WASHC2C: variants seen among roughly 807,000 people sequenced by gnomAD.
WASHC2C encodes WASH complex subunit 2C, also known as Vaccinia Penetration Factor.
WASHC2C carries 73 observed loss-of-function variants against 142.2 expected under a neutral mutation model. The ratio of observed to expected loss-of-function variants is 0.51; its 90% CI spans 0.43 to 0.62. WASHC2C has a LOEUF of 0.62. WASHC2C is among the 20% of genes least tolerant of loss of function. The pLI is 0.00. For missense variants in WASHC2C, 969 were observed against 1,531.7 expected, an observed-to-expected ratio of 0.63 and a Z score of 6.13; for synonymous variants, 337 against 565.5, an observed-to-expected ratio of 0.60 and a Z score of 5.73.
intron 30 of WASHC2C, among the ~76,000 whole-genome samples, chr10:45,791,314 A>G (rs1436375164): frequency 1.3e-3 from 202 of 152,100 alleles, no homozygotes; most frequent in African/African-American, 3.8e-3. Context: ...AAATACAAAA[A>G]AAGTAATACA....
chr10:45,768,780 T>A (rs1252674090), intron 19 of WASHC2C, among the ~76,000 whole-genome samples: 1 of 152,042 alleles, frequency 6.6e-6, no homozygotes, highest in Non-Finnish European at 1.5e-5. Flanking sequence ...TTCTCTGGAG[T>A]TGGAAGTTCT....
At chr10:45,771,980 C>T (rs1312079823) in intron 20 of WASHC2C, among the ~76,000 whole-genome samples, 131 of 152,182 alleles carry the variant, frequency 8.6e-4, no homozygotes, top group African/African-American at 2.9e-3. Context: ...TCATAACAGC[C>T]GAAAGTGTAA....
intron 17 of WASHC2C, among the ~76,000 whole-genome samples, chr10:45,760,058 G>A (rs1373264486): frequency 6.0e-5 from 9 of 148,860 alleles, no homozygotes; most frequent in South Asian, 2.2e-4. Context: ...TAACTAGACC[G>A]TGGCTTAATG....
At chr10:45,751,935 C>T (rs544183538) in intron 11 of WASHC2C, among the ~76,000 whole-genome samples, 1 of 152,292 alleles carries the variant, frequency 6.6e-6, no homozygotes, top group Non-Finnish European at 1.5e-5. Flanking sequence ...CTTGATCGCG[C>T]CACTGCATTC....
chr10:45,736,324 T>A (rs539130130), intron 3 of WASHC2C, among the ~76,000 whole-genome samples: 8 of 132,876 alleles, frequency 6.0e-5, no homozygotes, highest in Non-Finnish European at 1.2e-4. Context: ...GAGAATGGCG[T>A]GAACCCAGGA....
intron 20 of WASHC2C, among the ~76,000 whole-genome samples, chr10:45,772,188 A>T (rs373573511): frequency 9.7e-4 from 147 of 152,170 alleles, no homozygotes; most frequent in African/African-American, 3.3e-3. Context: ...TGAAATGTAT[A>T]GATAAACCAC....
intron 4 of WASHC2C, among the ~76,000 whole-genome samples, chr10:45,739,287 G>GT (rs201280534): frequency 0.013 from 1,675 of 128,804 alleles, 15 homozygotes; most frequent in Admixed American, 0.037. Context: ...TGCTCGTAGG[G>GT]TTTTTTTTTT....
intron 8 of WASHC2C, 125 bp downstream of exon 8, chr10:45,746,772 C>T: frequency 2.2e-6 from 3 of 1,369,684 alleles, no homozygotes; most frequent in Non-Finnish European, 1.0e-6. Flanking sequence ...AATTTATTTT[C>T]CTTTAAGCAT....
intron 23 of WASHC2C, among the ~76,000 whole-genome samples, chr10:45,784,048 T>C (rs1554888741): frequency 6.6e-6 from 1 of 151,964 alleles, no homozygotes; most frequent in African/African-American, 2.4e-5. Flanking sequence ...TTGAGTCAGC[T>C]GCTGTCTCTT....
At chr10:45,773,604 C>G (rs1564799315) in intron 21 of WASHC2C, among the ~76,000 whole-genome samples, 1 of 152,290 alleles carries the variant, frequency 6.6e-6, no homozygotes, top group Non-Finnish European at 1.5e-5. Flanking sequence ...GCTTGGGCCC[C>G]ATTGGCATGG....
intron 5 of WASHC2C, among the ~76,000 whole-genome samples, 179 bp from the exon 6 acceptor site, chr10:45,743,211 A>T (rs1486728844): frequency 4.6e-5 from 7 of 152,116 alleles, no homozygotes; most frequent in Non-Finnish European, 7.4e-5. Flanking sequence ...TTTGACTTTT[A>T]AAAAAATCAG....
intron 4 of WASHC2C, among the ~76,000 whole-genome samples, chr10:45,739,788 A>G (rs1469038483): frequency 3.9e-5 from 6 of 152,142 alleles, no homozygotes; most frequent in Non-Finnish European, 8.8e-5. Flanking sequence ...TTGTTGGGAT[A>G]CTTCTCCACA....
intron 23 of WASHC2C, among the ~76,000 whole-genome samples, chr10:45,783,912 G>T (rs1296762307): frequency 3.3e-5 from 5 of 152,136 alleles, no homozygotes; most frequent in Non-Finnish European, 7.4e-5. Flanking sequence ...CTCACTCGGG[G>T]TCTGAAAGTA....
chr10:45,744,115 A>G (rs1260832287), intron 6 of WASHC2C, among the ~76,000 whole-genome samples: 1 of 144,070 alleles, frequency 6.9e-6, no homozygotes, highest in Non-Finnish European at 1.5e-5. Context: ...CTGGAATGCA[A>G]TGGTGCGATC....
At chr10:45,784,293 C>CATAT (rs1286811903) in intron 23 of WASHC2C, among the ~76,000 whole-genome samples, 4,719 of 63,126 alleles carry the variant, frequency 0.075, 347 homozygotes, top group African/African-American at 0.14. Context: ...TATATATACA[C>CATAT]ATATATATAT....
At chr10:45,736,561 C>T (rs1244714941) in intron 3 of WASHC2C, among the ~76,000 whole-genome samples, 1 of 151,850 alleles carries the variant, frequency 6.6e-6, no homozygotes, top group African/African-American at 2.4e-5. Context: ...GATCCTGCCA[C>T]TGCACTCCAG....
intron 15 of WASHC2C, among the ~76,000 whole-genome samples, chr10:45,755,513 A>G (rs2134800041): frequency 6.6e-6 from 1 of 152,420 alleles, no homozygotes; most frequent in Non-Finnish European, 1.5e-5. Context: ...TTCTCTGCCA[A>G]AAAGCTCAGG....
At chr10:45,743,290 G>A in intron 5 of WASHC2C, 100 bp from the exon 6 acceptor site, 1 of 1,562,106 alleles carries the variant, frequency 6.4e-7, no homozygotes, top group South Asian at 1.1e-5. Context: ...TCGTTATGTA[G>A]CTTGTTTGGG....
intron 3 of WASHC2C, among the ~76,000 whole-genome samples, chr10:45,734,143 T>C (rs1280820777): frequency 2.0e-5 from 3 of 152,102 alleles, no homozygotes; most frequent in African/African-American, 7.2e-5. Context: ...GAGAAGGGCA[T>C]GAACCCGGGA....
Sources: gnomAD v4.1 joint callset for allele counts (sites outside exome capture counted in the v4.1 genomes callset) on GRCh38, gnomAD v4.1.1 for gene constraint, MANE v1.5 for transcripts, NCBI Gene and HGNC (gene_info 2026-07-23, HGNC 2026-07-21) for gene names.